Variants in CLUH observed in about 807,000 individuals in gnomAD.
CLUH encodes the protein clustered mitochondria protein homolog.
CLUH carries 77 observed loss-of-function variants against 139.3 expected under a neutral mutation model. That is an observed-to-expected ratio of 0.55 (90% CI 0.46 to 0.67). CLUH has a LOEUF of 0.67. CLUH is among the 30% of genes least tolerant of loss of function. The probability of loss-of-function intolerance (pLI) is 0.00; values close to 1 mark genes in which losing one functional copy is unlikely to be tolerated. For synonymous variants in CLUH, 999 were observed against 801.6 expected (o/e 1.25, Z -4.16); for missense variants, 1,876 against 1,875.8 (o/e 1.00, Z 0.00).
rs2069672662 is a variant in CLUH, at chr17:2,691,950, C to CCGT, written c.3654+53_3654+54insACG. 48 of 1,097,268 alleles carry CCGT rather than the reference C, an allele frequency of 4.4e-5. No individual in the cohort carries two copies. The South Asian group carries it at 7.2e-4, about 17-fold the overall frequency. 68.0% of individuals were successfully genotyped at this position (1,097,268 alleles called of 1,614,324 possible). A position where few individuals can be genotyped will look rare whatever the true frequency, so the allele number is the denominator to read the frequency against. ...CCCCGTGCCCCCGCGGCCCCGCCCCCGCCCCGCCACGCCCCCGCCCCGCCC... is the reference window on the plus strand; with the variant it reads ...CCCCGTGCCCCCGCGGCCCCGCCCCCCGTGCCCCGCCACGCCCCCGCCCCGCCC... On this transcript the variant is annotated intron_variant, in intron 23 of 25. Transcript: ENST00000651024.
intron 23 of CLUH, 31 bp from the exon 24 acceptor site, chr17:2,691,926 CCCGTGCCCCCGCG>C (rs1181640123): frequency 2.3e-5 from 27 of 1,156,392 alleles, no homozygotes; most frequent in South Asian, 4.7e-5. Context: ...ATCAGGCCCC[CCCGTGCCCCCGCG>C]GCCCCGCCCC....
chr17:2,704,467 C>A lies in CLUH; in HGVS notation c.198G>T (p.Glu66Asp). The change falls in exon 2 of 26, where the codon GAG becomes GAT. Residue 66 changes from glutamate (E) to aspartate (D), a missense_variant. Around this residue, in one of 3 missense-constraint regions of CLUH, gnomAD observed 152 missense variants for 136.7 expected, o/e 1.11. Coordinates refer to ENST00000651024, the MANE Select transcript of CLUH (RefSeq NM_001366661.1). This position sits in a 1 kb window ranked among gnomAD's most constrained non-coding sequence, Gnocchi z 5.7. The part of the protein sequence containing the change: ...AEPPRENGLD[E>D]AGPGDETTGQ... The stretch of plus-strand genomic sequence containing the variant: ...CGGTGGTCTCATCTCCCGGGCCGGC[C>A]TCGTCAAGCCCATTTTCCCTGGGTG... The A allele has an allele frequency of 6.3e-7, 1 of 1,599,538 alleles. No homozygotes were observed. Among genetic ancestry groups the A allele is most frequent in the East Asian group, 2.3e-5 (1 of 43,930 alleles).
rs1442525924 is a variant in CLUH, at chr17:2,694,515, G to A, written c.2902C>T (p.Leu968Phe). The A allele has an allele frequency of 2.5e-6, 4 of 1,584,474 alleles. No individual in the cohort carries two copies. Among genetic ancestry groups the A allele is most frequent in the Middle Eastern group, 1.7e-4 (1 of 6,028 alleles). The part of the protein sequence containing the change: ...VETYGLQKIT[L>F]LREISLKTGI... ...GTTTTCAGCGAGATCTCCCGCAGGA[G>A]CGTTATCTTCTGCAGGCCGTAGGTC... The change falls in exon 17 of 26, where the codon CTC (leucine) becomes TTC (phenylalanine). Residue 968 changes from leucine to phenylalanine, a missense_variant. Physicochemically the swap from Leu to Phe is conservative, Grantham distance 22. This residue lies in a region of CLUH where 1,454 missense variants were observed against 1,384.4 expected (regional missense o/e 1.05). Transcript: ENST00000651024.
In CLUH at chr17:2,691,922, C is replaced by CCCCCCGTGCCCCCGCGG; in HGVS notation, c.3655-28_3655-27insCCGCGGGGGCACGGGGG. On this transcript the variant is annotated intron_variant, in intron 23 of 25. Transcript: ENST00000651024. ...TGCGGGGAGGCGGGAAGGGATCAGG[C>CCCCCCGTGCCCCCGCGG]CCCCCCGTGCCCCCGCGGCCCCGCC... 4.2e-5 allele frequency: 3 copies of CCCCCCGTGCCCCCGCGG among 71,584 alleles called. 1 individual carries two copies. The highest frequency in any genetic ancestry group is 1.0e-4 in the Non-Finnish European group (3 of 30,138). The allele number at this position is 71,584 out of a possible 1,614,324, so 4.4% of individuals were successfully genotyped here. A position where few individuals can be genotyped will look rare whatever the true frequency, so the allele number is the denominator to read the frequency against.
rs768238950 is a variant in CLUH, at chr17:2,692,709, C to T, written c.3313-13G>A. 4.4e-6 allele frequency: 7 copies of T among 1,608,388 alleles called. No homozygotes were observed. The highest frequency in any genetic ancestry group is 3.3e-5 in the South Asian group (3 of 90,784). On this transcript the variant is annotated splice_polypyrimidine_tract_variant and intron_variant, in intron 20 of 25. Transcript: ENST00000651024. Reference sequence around the variant, plus strand: ...GGGCCAGGTGCATCTGCGGGCGGGGCGGAGACAGGTCAGGGTGGCCGCGGA... The same window carrying T: ...GGGCCAGGTGCATCTGCGGGCGGGGTGGAGACAGGTCAGGGTGGCCGCGGA...
intron 10 of CLUH, among the ~76,000 whole-genome samples, chr17:2,697,552 CCTAAGCA>C (rs2070001743): frequency 6.6e-6 from 1 of 152,220 alleles, no homozygotes; most frequent in Non-Finnish European, 1.5e-5. Flanking sequence ...TTCCCCATTT[CCTAAGCA>C]CTAAACACCA....
Position 2,711,725 on chromosome 17 carries a change from C to A in CLUH, c.-64G>T. ...GCCCGCCGCGCCACTAACCCAAGTG[C>A]CCTGCGCGCCGCGGCTGCTGAGGGA... is the stretch of plus-strand genomic sequence containing the variant. On this transcript the variant is annotated 5_prime_UTR_variant, in exon 1 of 26. Transcript: ENST00000651024. The A allele has an allele frequency of 1.5e-6, 1 of 687,054 alleles. No individual in the cohort carries two copies. Among genetic ancestry groups the A allele is most frequent in the Non-Finnish European group, 1.8e-6 (1 of 557,622 alleles). 42.6% of individuals were successfully genotyped at this position (687,054 alleles called of 1,614,324 possible).
rs950000630 is a variant in CLUH, at chr17:2,698,295, G to A, written c.1562C>T (p.Thr521Met). The change falls in exon 10 of 26, where the codon ACG (threonine) becomes ATG (methionine). Residue 521 changes from threonine to methionine, a missense_variant. Thr to Met is a moderately conservative substitution (Grantham distance 81). This residue lies in a region of CLUH where 1,454 missense variants were observed against 1,384.4 expected (regional missense o/e 1.05). Transcript: ENST00000651024. ...VVVDYRGYRV[T>M]AQSIIPGILE... ...GATGCCGGGGATGATGGACTGGGCC[G>A]TGACCCGGTAGCCGCGGTAATCCAC... The A allele has an allele frequency of 2.0e-5, 33 of 1,612,122 alleles. No homozygotes were observed. The highest frequency in any genetic ancestry group is 2.6e-5 in the Non-Finnish European group (31 of 1,179,468).
In CLUH at chr17:2,691,876, T is replaced by C. The variant is rs1210848161; in HGVS notation, c.3674A>G (p.Lys1225Arg). The change falls in exon 24 of 26, where the codon AAG becomes AGG. Residue 1225 changes from lysine to arginine, a missense_variant. Physicochemically the swap from Lys to Arg is conservative, Grantham distance 26. Around this residue, in one of 3 missense-constraint regions of CLUH, gnomAD observed 1,454 missense variants for 1,384.4 expected, o/e 1.05. Coordinates refer to ENST00000651024, the MANE Select transcript of CLUH (RefSeq NM_001366661.1). ...GAGGTACTCGGAGCTTTCCTTGGTC[T>C]TCTCATGGTCCTCGCCCAGCTGCGG... ...YKTQLGEDHE[K>R]TKESSEYLKC... 1.3e-6 allele frequency: 2 copies of C among 1,541,272 alleles called. No homozygotes were observed. Among genetic ancestry groups the C allele is most frequent in the Non-Finnish European group, 1.7e-6 (2 of 1,145,368 alleles).
chr17:2,698,063 G>A lies in CLUH; in HGVS notation c.1794C>T (p.Arg598=). 3 of 1,606,728 alleles carry A rather than the reference G, an allele frequency of 1.9e-6. No individual in the cohort carries two copies. The highest frequency in any genetic ancestry group is 3.3e-5 in the Admixed American group (2 of 59,730). The change falls in exon 10 of 26, where the codon CGC becomes CGT. Residue 598 remains arginine (R), a synonymous_variant. Transcript: ENST00000651024. The part of the protein sequence containing the change: ...ECKGIIGNDG[R]HYILDLLRTF... ...TGCGCAGCAGGTCGAGGATGTAGTG[G>A]CGCCCGTCGTTGCCAATGATGCCCT...
At position 2,703,064 on chromosome 17, in the gene CLUH, G is replaced by A. The variant is rs1277381146; in HGVS notation, c.475+254C>T. Reference sequence around the variant, plus strand: ...AAGTCTCCAACTCCTGACCTCAGGTGATCCACACGCCTTGGCCTCCCAAAG... The same window carrying A: ...AAGTCTCCAACTCCTGACCTCAGGTAATCCACACGCCTTGGCCTCCCAAAG... On this transcript the variant is annotated intron_variant, in intron 3 of 25. Transcript: ENST00000651024. This position sits in a 1 kb window ranked among gnomAD's most constrained non-coding sequence, Gnocchi z 4.2. Among the ~76,000 whole-genome samples, 1 of 152,242 alleles carries A rather than the reference G, an allele frequency of 6.6e-6. No homozygotes were observed. Among genetic ancestry groups the A allele is most frequent in the African/African-American group, 2.4e-5 (1 of 41,458 alleles).
chr17:2,703,833 G>A lies in CLUH; in HGVS notation c.304-344C>T, dbSNP rs1298083828. 1.3e-5 allele frequency among the ~76,000 whole-genome samples: 2 copies of A among 152,114 alleles called. No homozygotes were observed. Among genetic ancestry groups the A allele is most frequent in the African/African-American group, 4.8e-5 (2 of 41,414 alleles). The stretch of plus-strand genomic sequence containing the variant: ...AGACGGCAGGCTCGCCCCCGGCCTT[G>A]CCCAGTGCTAAGGTGCCTGGGGCAA... On this transcript the variant is annotated intron_variant, in intron 2 of 25. Transcript: ENST00000651024. The surrounding 1 kb of genome is among the most constrained non-coding windows in gnomAD (Gnocchi z 4.2).
chr17:2,710,797 C>T (rs183892671), intron 1 of CLUH, among the ~76,000 whole-genome samples: 2 of 152,332 alleles, frequency 1.3e-5, no homozygotes, highest in East Asian at 3.9e-4. Flanking sequence ...ACACTAACGA[C>T]CTTTGCCTTA....
intron 3 of CLUH, among the ~76,000 whole-genome samples, 171 bp from the exon 4 acceptor site, chr17:2,702,228 A>C (rs2070211705): frequency 6.6e-6 from 1 of 152,066 alleles, no homozygotes; most frequent in South Asian, 2.1e-4. Flanking sequence ...TGGTTTTGAC[A>C]CCACAAACAC....
intron 7 of CLUH, 97 bp downstream of exon 7, chr17:2,701,043 C>T (rs1230670407): frequency 2.0e-5 from 31 of 1,585,034 alleles, no homozygotes; most frequent in Admixed American, 5.1e-5. Context: ...GGGCCCAGGG[C>T]GGTTTCTTCA....
rs753855649 is a variant in CLUH at position 2,695,010 on chromosome 17, G to T, written c.2699C>A (p.Ala900Asp). ...SYPNPVAHLP[A>D]DELVSKKRNK... ...CCGCTTCTTGGAGACCAGCTCGTCGGCGGGCAGGTGGGCCACGGGGTTTGG... is the reference window on the plus strand; with the variant it reads ...CCGCTTCTTGGAGACCAGCTCGTCGTCGGGCAGGTGGGCCACGGGGTTTGG... Residue 900 changes from alanine (A) to aspartate (D), a missense_variant, in exon 16 of 26, where the codon GCC (alanine) becomes GAC (aspartate). This residue lies in a region of CLUH where 1,454 missense variants were observed against 1,384.4 expected (regional missense o/e 1.05). Coordinates refer to ENST00000651024, the MANE Select transcript of CLUH (RefSeq NM_001366661.1). The T allele has an allele frequency of 1.5e-4, 245 of 1,613,540 alleles. No individual in the cohort carries two copies. The highest frequency in any genetic ancestry group is 2.0e-4 in the Non-Finnish European group (232 of 1,179,826).
In CLUH at chr17:2,701,451, C is replaced by T. The variant is rs1342045707; in HGVS notation, c.814G>A (p.Gly272Arg). ...NPPPGNRKMH[G>R]DLMYLFVITA... ...ATCACAAACAGGTACATGAGGTCCC[C>T]GTGCATCTTCCGGTTCCCCGGGGGC... The change falls in exon 6 of 26, where the codon GGG (glycine) becomes AGG (arginine). Residue 272 changes from glycine to arginine, a missense_variant. Gly to Arg is a moderately radical substitution (Grantham distance 125, BLOSUM62 -2). Transcript: ENST00000651024. 4 of 1,613,482 alleles carry T rather than the reference C, an allele frequency of 2.5e-6. No homozygotes were observed. The highest frequency in any genetic ancestry group is 2.5e-6 in the Non-Finnish European group (3 of 1,179,792).
chr17:2,706,077 G>A lies in CLUH; in HGVS notation c.101-1513C>T, dbSNP rs1339691238. Among the ~76,000 whole-genome samples, 3 of 152,064 alleles carry A rather than the reference G, an allele frequency of 2.0e-5. No homozygotes were observed. The highest frequency in any genetic ancestry group is 4.8e-5 in the African/African-American group (2 of 41,412). The stretch of plus-strand genomic sequence containing the variant: ...GGTTCCCTTCCAGAAAGAAGAGCTC[G>A]CCCAGCTCTGCCCATCCCATCTAGA... On this transcript the variant is annotated intron_variant, in intron 1 of 25. Transcript: ENST00000651024. The surrounding 1 kb of genome is among the most constrained non-coding windows in gnomAD (Gnocchi z 4.6).
Position 2,694,842 on chromosome 17 carries a change from CT to C in CLUH, c.2852+14del. On this transcript the variant is annotated intron_variant, in intron 16 of 25. Coordinates refer to ENST00000651024, the MANE Select transcript of CLUH (RefSeq NM_001366661.1). ...CCCAATCCCACCCACCCCACCGCCC[CT>C]GCCCCGCACGCACCACTCGAGGTCG... 6.7e-7 allele frequency: 1 copy of C among 1,482,504 alleles called. No homozygotes were observed. The highest frequency in any genetic ancestry group is 9.0e-7 in the Non-Finnish European group (1 of 1,111,804). The allele number at this position is 1,482,504 out of a possible 1,614,324, so 91.8% of individuals were successfully genotyped here. A position where few individuals can be genotyped will look rare whatever the true frequency, so the allele number is the denominator to read the frequency against.
Sources: gnomAD v4.1 joint callset for allele counts (sites outside exome capture counted in the v4.1 genomes callset) on GRCh38, gnomAD v4.1.1 for gene constraint, gnomAD v4.1.1 regional missense constraint, Gnocchi (gnomAD v3.1) non-coding constraint, MANE v1.5 for transcripts, NCBI Gene and HGNC (gene_info 2026-07-23, HGNC 2026-07-21) for gene names.